Variants in PBX1 observed in about 807,000 individuals in gnomAD.
PBX1 encodes the protein pre-B-cell leukemia transcription factor 1.
PBX1 carries 6 observed loss-of-function variants against 53.4 expected under a neutral mutation model. That is an observed-to-expected ratio of 0.11 (90% CI 0.06 to 0.22). The LOEUF (loss-of-function observed/expected upper bound fraction) is 0.22, where lower values mean the gene tolerates loss of function less well. PBX1 is among the 10% of genes least tolerant of loss of function. The probability of loss-of-function intolerance (pLI) is 1.00; values close to 1 mark genes in which losing one functional copy is unlikely to be tolerated. For synonymous variants in PBX1, 204 were observed against 212.3 expected (o/e 0.96, Z 0.34); for missense variants, 251 against 551.4 (o/e 0.46, Z 5.46).
chr1:164,637,389 C>A (rs1273810660), intron 2 of PBX1, among the ~76,000 whole-genome samples: 1 of 152,152 alleles, frequency 6.6e-6, no homozygotes, highest in South Asian at 2.1e-4. Flanking sequence ...TTATGTGGGT[C>A]TAGCGTGAAA....
intron 2 of PBX1, among the ~76,000 whole-genome samples, chr1:164,642,452 A>G (rs2800780): frequency 0.3 from 45,841 of 152,138 alleles, 7,628 homozygotes; most frequent in Middle Eastern, 0.43. Flanking sequence ...GAAGCATCCA[A>G]CTATGTCTCA....
intron 2 of PBX1, among the ~76,000 whole-genome samples, chr1:164,691,173 C>A (rs1275674580): frequency 6.6e-6 from 1 of 151,894 alleles, no homozygotes; most frequent in African/African-American, 2.4e-5. Context: ...CACCACCATG[C>A]CCGGCTAATT....
chr1:164,644,059 C>A (rs1235905946), intron 2 of PBX1, among the ~76,000 whole-genome samples: 1 of 152,160 alleles, frequency 6.6e-6, no homozygotes, highest in African/African-American at 2.4e-5. Flanking sequence ...CAGCCAAGCC[C>A]TTTCTCTAAT....
At chr1:164,803,300 A>G (rs138962819) in intron 4 of PBX1, among the ~76,000 whole-genome samples, 109 of 152,328 alleles carry the variant, frequency 7.2e-4, no homozygotes, top group Admixed American at 1.4e-3. Flanking sequence ...TCATTCATCT[A>G]CCTACTCCAC....
At position 164,799,752 on chromosome 1, in the gene PBX1, G is replaced by T; in HGVS notation, c.564G>T (p.Arg188=). 1.9e-6 allele frequency: 3 copies of T among 1,614,056 alleles called. No homozygotes were observed. Among genetic ancestry groups the T allele is most frequent in the Non-Finnish European group, 1.7e-6 (2 of 1,179,964 alleles). The change falls in exon 4 of 9, where the codon CGG becomes CGT. Residue 188 remains arginine (R), a synonymous_variant. Coordinates refer to ENST00000420696, the MANE Select transcript of PBX1 (RefSeq NM_002585.4). ...TGAATCTCCTGCGAGAGCAAAGCCG[G>T]ACCAGGCCCATCTCCCCAAAGGAGA... is the stretch of plus-strand genomic sequence containing the variant. ...HVMNLLREQS[R]TRPISPKEIE...
At chr1:164,591,181 T>G (rs1473571538) in intron 2 of PBX1, among the ~76,000 whole-genome samples, 2 of 152,034 alleles carry the variant, frequency 1.3e-5, no homozygotes, top group Admixed American at 1.3e-4. Flanking sequence ...CCAGCTAATT[T>G]TTGTATTTTT....
intron 2 of PBX1, among the ~76,000 whole-genome samples, chr1:164,613,334 G>T (rs1159458324): frequency 2.0e-5 from 3 of 152,132 alleles, no homozygotes; most frequent in Admixed American, 1.3e-4. Context: ...TATCCCAACT[G>T]CCCTGAACTT....
intron 2 of PBX1, among the ~76,000 whole-genome samples, chr1:164,587,809 G>A (rs1218971411): frequency 6.6e-6 from 1 of 152,126 alleles, no homozygotes; most frequent in Non-Finnish European, 1.5e-5. Flanking sequence ...ACACCAGGGG[G>A]TGTCCCCAGG....
At chr1:164,736,832 G>T (rs1665315974) in intron 2 of PBX1, among the ~76,000 whole-genome samples, 1 of 152,196 alleles carries the variant, frequency 6.6e-6, no homozygotes, top group African/African-American at 2.4e-5. Context: ...GTTTCTTATT[G>T]TCTAGTTTAC....
chr1:164,849,087 C>A lies in PBX1; in HGVS notation c.*2411C>A, dbSNP rs768709724. On this transcript the variant is annotated 3_prime_UTR_variant, in exon 9 of 9. Coordinates refer to ENST00000420696, the MANE Select transcript of PBX1 (RefSeq NM_002585.4). Reference sequence around the variant, plus strand: ...GGCAGGAATATAATGAAACTACCCACGCAAGAACATGGTTGAATCACATTT... The same window carrying A: ...GGCAGGAATATAATGAAACTACCCAAGCAAGAACATGGTTGAATCACATTT... 36 of 1,323,702 alleles carry A rather than the reference C, an allele frequency of 2.7e-5. No homozygotes were observed. The highest frequency in any genetic ancestry group is 3.3e-5 in the Non-Finnish European group (34 of 1,033,066). The allele number at this position is 1,323,702 out of a possible 1,614,324, so 82.0% of individuals were successfully genotyped here.
At position 164,707,418 on chromosome 1, in the gene PBX1, T is replaced by TGAGAGA. The variant is rs528876002; in HGVS notation, c.266-85043_266-85038dup. Reference sequence around the variant, plus strand: ...AGGTGTGTGTGTGTGTGTGTGTGTGTGAGAGAGAGAGAGAGAGAGAGAGAG... The same window carrying TGAGAGA: ...AGGTGTGTGTGTGTGTGTGTGTGTGTGAGAGAGAGAGAGAGAGAGAGAGAGAGAGAG... On this transcript the variant is annotated intron_variant, in intron 2 of 8. Coordinates refer to ENST00000420696, the MANE Select transcript of PBX1 (RefSeq NM_002585.4). Among the ~76,000 whole-genome samples, 3 of 118,212 alleles carry TGAGAGA rather than the reference T, an allele frequency of 2.5e-5. 1 individual carries two copies. The highest frequency in any genetic ancestry group is 1.2e-4 in the African/African-American group (3 of 26,082). The allele number at this position is 118,212 out of a possible 152,430, so 77.6% of individuals were successfully genotyped here.
chr1:164,691,588 T>C (rs1662492769), intron 2 of PBX1, among the ~76,000 whole-genome samples: 1 of 152,166 alleles, frequency 6.6e-6, no homozygotes, highest in African/African-American at 2.4e-5. Flanking sequence ...CTGAAGCGTC[T>C]TCTAGGCTAG....
intron 7 of PBX1, 50 bp from the exon 8 acceptor site, chr1:164,821,487 T>A: frequency 7.0e-7 from 1 of 1,427,818 alleles, no homozygotes; most frequent in Non-Finnish European, 9.9e-7. Flanking sequence ...GCCTCCCTTT[T>A]CCTACACCTC....
chr1:164,852,509 C>T (rs918048758), downstream of PBX1, among the ~76,000 whole-genome samples: 1 of 152,232 alleles, frequency 6.6e-6, no homozygotes, highest in African/African-American at 2.4e-5. Flanking sequence ...GTCTTTAACA[C>T]CATCTTCCCA....
chr1:164,735,654 A>G (rs1665227084), intron 2 of PBX1, among the ~76,000 whole-genome samples: 1 of 152,202 alleles, frequency 6.6e-6, no homozygotes, highest in Non-Finnish European at 1.5e-5. Flanking sequence ...ATGACTAGAG[A>G]GACCCATCAA....
intron 2 of PBX1, among the ~76,000 whole-genome samples, chr1:164,651,059 C>T (rs959741833): frequency 2.0e-5 from 3 of 152,196 alleles, no homozygotes; most frequent in Admixed American, 6.5e-5. Flanking sequence ...CCACCCCAGC[C>T]TCCTTGTACC....
intron 2 of PBX1, among the ~76,000 whole-genome samples, chr1:164,694,689 A>G (rs1378106184): frequency 6.6e-6 from 1 of 152,216 alleles, no homozygotes; most frequent in Admixed American, 6.5e-5. Flanking sequence ...TATTTGTATC[A>G]GACTTTAACC....
chr1:164,780,697 C>T (rs1667889525), intron 2 of PBX1, among the ~76,000 whole-genome samples: 1 of 152,148 alleles, frequency 6.6e-6, no homozygotes, highest in African/African-American at 2.4e-5. Flanking sequence ...TCCCCGAAGA[C>T]ATTAAGTCAG....
chr1:164,785,580 C>T (rs1250433238), intron 2 of PBX1, among the ~76,000 whole-genome samples: 1 of 152,196 alleles, frequency 6.6e-6, no homozygotes, highest in Non-Finnish European at 1.5e-5. Context: ...CTCATGTACC[C>T]ACAAGCCTCA....
Sources: gnomAD v4.1 joint callset for allele counts (sites outside exome capture counted in the v4.1 genomes callset) on GRCh38, gnomAD v4.1.1 for gene constraint, MANE v1.5 for transcripts, NCBI Gene and HGNC (gene_info 2026-07-23, HGNC 2026-07-21) for gene names.